The following NUPR1 variants were observed in gnomAD, a reference collection of about 807,000 sequenced individuals.
NUPR1 encodes the protein nuclear protein 1, transcriptional regulator.
In NUPR1, 8 loss-of-function variants were observed where a neutral mutation model predicts 7.3. The ratio of observed to expected loss-of-function variants is 1.09; its 90% CI spans 0.64 to 1.97. The LOEUF is 1.97. Ranked by LOEUF, NUPR1 falls within the 30% of genes most tolerant of loss-of-function variation. NUPR1 has a pLI of 0.00. For synonymous variants in NUPR1, 39 were observed against 44.5 expected (o/e 0.88, Z 0.49); for missense variants, 96 against 111.7 (o/e 0.86, Z 0.63).
Position 28,534,590 on chromosome 16 carries a change from G to A in NUPR1, c.*3093C>T, listed in dbSNP as rs1474129989. 6.6e-6 allele frequency: 1 copy of A among 152,172 alleles called. No individual in the cohort carries two copies. 9.4% of individuals were successfully genotyped at this position (152,172 alleles called of 1,614,324 possible). A position where few individuals can be genotyped will look rare whatever the true frequency, so the allele number is the denominator to read the frequency against. ...CTTCTTCGTGTATTCACTCTCTCTG[G>A]TTCCCTTTCATCATAAAACCCTGCT... is the stretch of plus-strand genomic sequence containing the variant. On this transcript the variant is annotated 3_prime_UTR_variant, in exon 3 of 3. Transcript: ENST00000324873.
Position 28,535,554 on chromosome 16 carries a change from T to TCCTTC in NUPR1, c.*2128_*2129insGAAGG, listed in dbSNP as rs747758796. The TCCTTC allele has an allele frequency of 5.2e-4, 20 of 38,786 alleles. No homozygotes were observed. The highest frequency in any genetic ancestry group is 1.1e-3 in the East Asian group (1 of 936). The allele number at this position is 38,786 out of a possible 1,614,324, so 2.4% of individuals were successfully genotyped here. A position where few individuals can be genotyped will look rare whatever the true frequency, so the allele number is the denominator to read the frequency against. On this transcript the variant is annotated 3_prime_UTR_variant, in exon 3 of 3. Transcript: ENST00000324873. ...TTCTTTCTTTCTTTCCTTCTTTCTT[T>TCCTTC]CTTTCTTTCCTTCCTTCCTTTCTTT...
chr16:28,537,875 T>C, intron 2 of NUPR1, 131 bp downstream of exon 2: 2 of 743,974 alleles, frequency 2.7e-6, no homozygotes, highest in Admixed American at 2.3e-5. Context: ...CAATCAAACA[T>C]ATGTCTCGTT....
In NUPR1 at chr16:28,535,503, T is replaced by TTTTCTTTCTTTCTTTCTTTCTTTCTTTTC. The variant is rs2046605031; in HGVS notation, c.*2179_*2180insGAAAAGAAAGAAAGAAAGAAAGAAAGAAA. On this transcript the variant is annotated 3_prime_UTR_variant, in exon 3 of 3. Coordinates refer to ENST00000324873, the MANE Select transcript of NUPR1 (RefSeq NM_012385.3). Reference sequence around the variant, plus strand: ...TGAGCCACTGTGCCGGGGCTCGCTCTTTTCTTTCTTTCTTTCTTTCTTTCT... The same window carrying TTTTCTTTCTTTCTTTCTTTCTTTCTTTTC: ...TGAGCCACTGTGCCGGGGCTCGCTCTTTTCTTTCTTTCTTTCTTTCTTTCTTTTCTTTCTTTCTTTCTTTCTTTCTTTCT... The TTTTCTTTCTTTCTTTCTTTCTTTCTTTTC allele has an allele frequency of 3.0e-5, 3 of 98,470 alleles. No homozygotes were observed. Among genetic ancestry groups the TTTTCTTTCTTTCTTTCTTTCTTTCTTTTC allele is most frequent in the African/African-American group, 1.2e-4 (3 of 24,740 alleles). 6.1% of individuals were successfully genotyped at this position (98,470 alleles called of 1,614,324 possible).
At chr16:28,538,276 C>T in intron 1 of NUPR1, 121 bp from the exon 2 acceptor site, 2 of 1,459,476 alleles carry the variant, frequency 1.4e-6, no homozygotes, top group East Asian at 4.6e-5. Flanking sequence ...CCTGCTGCTT[C>T]CCCTCTGTGG....
In NUPR1 at chr16:28,533,705, GCCTCATGA is replaced by G. The variant is rs2046594590; in HGVS notation, c.*3970_*3977del. ...GAAGAGAAGGAAACATCTAAGCTGAGCCTCATGAGATGGGGTCGGGGGAGGAATTAAAG... is the reference window on the plus strand; with the variant it reads ...GAAGAGAAGGAAACATCTAAGCTGAGGATGGGGTCGGGGGAGGAATTAAAG... On this transcript the variant is annotated 3_prime_UTR_variant, in exon 3 of 3. Coordinates refer to ENST00000324873, the MANE Select transcript of NUPR1 (RefSeq NM_012385.3). 1 of 152,366 alleles carries G rather than the reference GCCTCATGA, an allele frequency of 6.6e-6. No homozygotes were observed. 9.4% of individuals were successfully genotyped at this position (152,366 alleles called of 1,614,324 possible). A position where few individuals can be genotyped will look rare whatever the true frequency, so the allele number is the denominator to read the frequency against.
In NUPR1 at chr16:28,533,675, G is replaced by A. The variant is rs2046594437; in HGVS notation, c.*4008C>T. 6.6e-6 allele frequency: 1 copy of A among 152,378 alleles called. No homozygotes were observed. Among genetic ancestry groups the A allele is most frequent in the Admixed American group, 6.6e-5 (1 of 15,266 alleles). 9.4% of individuals were successfully genotyped at this position (152,378 alleles called of 1,614,324 possible). ...TATGAGCTTCTGCACGCAGCCATCA[G>A]GGAGGAAGAGAAGGAAACATCTAAG... On this transcript the variant is annotated 3_prime_UTR_variant, in exon 3 of 3. Coordinates refer to ENST00000324873, the MANE Select transcript of NUPR1 (RefSeq NM_012385.3).
Position 28,535,583 on chromosome 16 carries a change from T to TCCTTCCTTC in NUPR1, c.*2099_*2100insGAAGGAAGG. ...TCTTTCCTTCCTTCCTTTCTTTCTT[T>TCCTTCCTTC]CTTTCTTTCTTTCTTTCTTTCTTTC... On this transcript the variant is annotated 3_prime_UTR_variant, in exon 3 of 3. Coordinates refer to ENST00000324873, the MANE Select transcript of NUPR1 (RefSeq NM_012385.3). The TCCTTCCTTC allele has an allele frequency of 4.0e-3, 174 of 43,064 alleles. No individual in the cohort carries two copies. The highest frequency in any genetic ancestry group is 0.02 in the African/African-American group (158 of 7,726). 2.7% of individuals were successfully genotyped at this position (43,064 alleles called of 1,614,324 possible). A position where few individuals can be genotyped will look rare whatever the true frequency, so the allele number is the denominator to read the frequency against.
rs537800109 is a variant in NUPR1 at position 28,536,204 on chromosome 16, T to C, written c.*1479A>G. 6.6e-6 allele frequency: 1 copy of C among 152,232 alleles called. No homozygotes were observed. The highest frequency in any genetic ancestry group is 2.1e-4 in the South Asian group (1 of 4,828). The allele number at this position is 152,232 out of a possible 1,614,324, so 9.4% of individuals were successfully genotyped here. ...TCTGTTTCTACTAAAAATACAAAAA[T>C]TAGCCAGGCATGGTGGCAGGTGCCT... On this transcript the variant is annotated 3_prime_UTR_variant, in exon 3 of 3. Coordinates refer to ENST00000324873, the MANE Select transcript of NUPR1 (RefSeq NM_012385.3).
Position 28,535,507 on chromosome 16 carries a change from C to CTT in NUPR1, c.*2174_*2175dup, listed in dbSNP as rs1367589098. On this transcript the variant is annotated 3_prime_UTR_variant, in exon 3 of 3. Transcript: ENST00000324873. The stretch of plus-strand genomic sequence containing the variant: ...CCACTGTGCCGGGGCTCGCTCTTTT[C>CTT]TTTCTTTCTTTCTTTCTTTCTTTCT... 5.5e-5 allele frequency: 3 copies of CTT among 54,286 alleles called. No individual in the cohort carries two copies. Among genetic ancestry groups the CTT allele is most frequent in the Non-Finnish European group, 1.1e-4 (3 of 26,456 alleles). The allele number at this position is 54,286 out of a possible 1,614,324, so 3.4% of individuals were successfully genotyped here.
Position 28,534,831 on chromosome 16 carries a change from T to C in NUPR1, c.*2852A>G, listed in dbSNP as rs896478543. 2 of 152,038 alleles carry C rather than the reference T, an allele frequency of 1.3e-5. No individual in the cohort carries two copies. The highest frequency in any genetic ancestry group is 4.8e-5 in the African/African-American group (2 of 41,388). The allele number at this position is 152,038 out of a possible 1,614,324, so 9.4% of individuals were successfully genotyped here. On this transcript the variant is annotated 3_prime_UTR_variant, in exon 3 of 3. Transcript: ENST00000324873. ...GCAAACGTGATGGCAGGTATTGGAG[T>C]AGCTATTTTGGGCCTCAAAGTGGAA... is the stretch of plus-strand genomic sequence containing the variant.
Position 28,538,793 on chromosome 16 carries a change from T to C in NUPR1, c.112+3A>G. The C allele has an allele frequency of 1.9e-6, 3 of 1,603,584 alleles. No individual in the cohort carries two copies. The highest frequency in any genetic ancestry group is 2.2e-5 in the South Asian group (2 of 90,672). ...ACCGTGGAGATGGCTGAGTGGGCCT[T>C]ACCGAGGTAGGAATGGGCCAGGCTA... On this transcript the variant is annotated splice_donor_region_variant and intron_variant, in intron 1 of 2. Transcript: ENST00000324873.
intron 1 of NUPR1, 55 bp downstream of exon 1, chr16:28,538,741 G>A: frequency 7.8e-7 from 1 of 1,283,594 alleles, no homozygotes; most frequent in Non-Finnish European, 1.1e-6. Flanking sequence ...AAGAGGGGTG[G>A]GTCCTGATTT....
Position 28,535,520 on chromosome 16 carries a change from T to TTTCTTTCTTTCTTTCC in NUPR1, c.*2162_*2163insGGAAAGAAAGAAAGAA, listed in dbSNP as rs2046605797. 1 of 68,182 alleles carries TTTCTTTCTTTCTTTCC rather than the reference T, an allele frequency of 1.5e-5. No individual in the cohort carries two copies. The highest frequency in any genetic ancestry group is 4.9e-5 in the African/African-American group (1 of 20,232). 4.2% of individuals were successfully genotyped at this position (68,182 alleles called of 1,614,324 possible). On this transcript the variant is annotated 3_prime_UTR_variant, in exon 3 of 3. Transcript: ENST00000324873. ...GCTCGCTCTTTTCTTTCTTTCTTTCTTTCTTTCTTTCTTTCTTTCTTTCCT... is the reference window on the plus strand; with the variant it reads ...GCTCGCTCTTTTCTTTCTTTCTTTCTTTCTTTCTTTCTTTCCTTCTTTCTTTCTTTCTTTCTTTCCT...
rs2046608462 is a variant in NUPR1 at position 28,535,560 on chromosome 16, T to TTTCTTTCTTTCC, written c.*2122_*2123insGGAAAGAAAGAA. The TTTCTTTCTTTCC allele has an allele frequency of 1.7e-4, 11 of 64,276 alleles. 1 individual carries two copies. The highest frequency in any genetic ancestry group is 4.8e-4 in the African/African-American group (10 of 20,870). The allele number at this position is 64,276 out of a possible 1,614,324, so 4.0% of individuals were successfully genotyped here. On this transcript the variant is annotated 3_prime_UTR_variant, in exon 3 of 3. Transcript: ENST00000324873. ...CTTTCTTTCCTTCTTTCTTTCTTTC[T>TTTCTTTCTTTCC]TTCCTTCCTTCCTTTCTTTCTTTCT...
At chr16:28,537,877 T>C (rs2046634894) in intron 2 of NUPR1, 129 bp downstream of exon 2, 1 of 745,890 alleles carries the variant, frequency 1.3e-6, no homozygotes, top group Middle Eastern at 3.9e-4. Flanking sequence ...ATCAAACATA[T>C]GTCTCGTTTT....
At position 28,535,571 on chromosome 16, in the gene NUPR1, C is replaced by CTTTCCTT. The variant is rs1555472555; in HGVS notation, c.*2111_*2112insAAGGAAA. 202 of 71,842 alleles carry CTTTCCTT rather than the reference C, an allele frequency of 2.8e-3. No individual in the cohort carries two copies. Among genetic ancestry groups the CTTTCCTT allele is most frequent in the African/African-American group, 0.011 (179 of 16,838 alleles). 4.5% of individuals were successfully genotyped at this position (71,842 alleles called of 1,614,324 possible). ...TCTTTCTTTCTTTCTTTCCTTCCTT[C>CTTTCCTT]CTTTCTTTCTTTCTTTCTTTCTTTC... On this transcript the variant is annotated 3_prime_UTR_variant, in exon 3 of 3. Transcript: ENST00000324873.
At chr16:28,537,977 T>C (rs372230884) in intron 2 of NUPR1, 29 bp downstream of exon 2, 19 of 1,575,194 alleles carry the variant, frequency 1.2e-5, no homozygotes, top group Non-Finnish European at 1.6e-5. Context: ...AGCACCACCT[T>C]GAGCTCTCTG....
At position 28,535,571 on chromosome 16, in the gene NUPR1, C is replaced by CTTTCTTTCTTTCTTT. The variant is rs1555472555; in HGVS notation, c.*2111_*2112insAAAGAAAGAAAGAAA. 85 of 71,936 alleles carry CTTTCTTTCTTTCTTT rather than the reference C, an allele frequency of 1.2e-3. 1 individual carries two copies. The highest frequency in any genetic ancestry group is 8.5e-3 in the South Asian group (16 of 1,892). The allele number at this position is 71,936 out of a possible 1,614,324, so 4.5% of individuals were successfully genotyped here. ...TCTTTCTTTCTTTCTTTCCTTCCTTCCTTTCTTTCTTTCTTTCTTTCTTTC... is the reference window on the plus strand; with the variant it reads ...TCTTTCTTTCTTTCTTTCCTTCCTTCTTTCTTTCTTTCTTTCTTTCTTTCTTTCTTTCTTTCTTTC... On this transcript the variant is annotated 3_prime_UTR_variant, in exon 3 of 3. Coordinates refer to ENST00000324873, the MANE Select transcript of NUPR1 (RefSeq NM_012385.3).
chr16:28,534,553 G>A lies in NUPR1; in HGVS notation c.*3130C>T, dbSNP rs2046599124. ...TCTGTTGAGTCTGCATGTGGGCAAT[G>A]TTTCTTGCTAGCTTCTTCGTGTATT... On this transcript the variant is annotated 3_prime_UTR_variant, in exon 3 of 3. Coordinates refer to ENST00000324873, the MANE Select transcript of NUPR1 (RefSeq NM_012385.3). 6.6e-6 allele frequency: 1 copy of A among 152,210 alleles called. No individual in the cohort carries two copies. The highest frequency in any genetic ancestry group is 1.5e-5 in the Non-Finnish European group (1 of 68,064). 9.4% of individuals were successfully genotyped at this position (152,210 alleles called of 1,614,324 possible). A position where few individuals can be genotyped will look rare whatever the true frequency, so the allele number is the denominator to read the frequency against.
Sources: allele counts gnomAD v4.1 joint callset, GRCh38; gene constraint gnomAD v4.1.1; transcripts MANE v1.5; gene names NCBI Gene and HGNC (gene_info 2026-07-23, HGNC 2026-07-21).